The following UBE2T variants were observed in gnomAD, a reference collection of about 807,000 sequenced individuals.
UBE2T encodes the protein ubiquitin conjugating enzyme E2 T.
In UBE2T, 15 loss-of-function variants were observed where a neutral mutation model predicts 23.3. The observed-to-expected ratio is 0.64, with a 90% CI of 0.43 to 0.99. The LOEUF (loss-of-function observed/expected upper bound fraction) is 0.99. Ranked by LOEUF, UBE2T falls within the 50% of genes least tolerant of loss-of-function variation. The pLI is 0.00. For synonymous variants in UBE2T, 67 were observed against 78.4 expected (o/e 0.85, Z 0.77); for missense variants, 197 against 234.9 (o/e 0.84, Z 1.05).
intron 1 of UBE2T, among the ~76,000 whole-genome samples, chr1:202,341,453 C>G (rs6671928): frequency 0.025 from 3,658 of 148,764 alleles, 172 homozygotes; most frequent in African/African-American, 0.085. Flanking sequence ...TGGCGGGCGC[C>G]TGTAGTCCCA....
intron 1 of UBE2T, among the ~76,000 whole-genome samples, chr1:202,341,385 C>T (rs1198493868): frequency 1.3e-5 from 2 of 150,450 alleles, no homozygotes; most frequent in African/African-American, 2.5e-5. Context: ...GAGACCATCC[C>T]GGCTAAAACG....
chr1:202,331,805 C>T lies in UBE2T; in HGVS notation c.*30G>A, dbSNP rs981389027. ...ACTTAGATCACCTTGGCAAAGAACA[C>T]ATTAACTAAGATGAACCAGGACAAG... On this transcript the variant is annotated 3_prime_UTR_variant, in exon 7 of 7. Coordinates refer to ENST00000646651, the MANE Select transcript of UBE2T (RefSeq NM_014176.4). 8.7e-6 allele frequency: 14 copies of T among 1,613,006 alleles called. No individual in the cohort carries two copies. The highest frequency in any genetic ancestry group is 3.3e-4 in the Middle Eastern group (2 of 6,080).
In UBE2T at chr1:202,335,141, T is replaced by G; in HGVS notation, c.110-83A>C. On this transcript the variant is annotated intron_variant, in intron 2 of 6. Transcript: ENST00000646651. This position sits in a 1 kb window ranked among gnomAD's most constrained non-coding sequence, Gnocchi z 4.0. ...CATATGGAGCTAATGAGGTCTATGG[T>G]CCTAATAGAGAAACTAGGCCTAGGA... 1 of 1,156,252 alleles carries G rather than the reference T, an allele frequency of 8.6e-7. No homozygotes were observed. The highest frequency in any genetic ancestry group is 1.4e-5 in the South Asian group (1 of 69,906). 71.6% of individuals were successfully genotyped at this position (1,156,252 alleles called of 1,614,324 possible). A position where few individuals can be genotyped will look rare whatever the true frequency, so the allele number is the denominator to read the frequency against.
chr1:202,336,991 T>C (rs1654899653), intron 1 of UBE2T, among the ~76,000 whole-genome samples: 1 of 152,184 alleles, frequency 6.6e-6, no homozygotes, highest in South Asian at 2.1e-4. Flanking sequence ...TTGCCCAGGC[T>C]GGAGTGCAGT....
In UBE2T at chr1:202,332,410, CTA is replaced by C. The variant is rs1180242663; in HGVS notation, c.469-452_469-451del. Among the ~76,000 whole-genome samples, 3 of 152,332 alleles carry C rather than the reference CTA, an allele frequency of 2.0e-5. No homozygotes were observed. The East Asian group carries it at 5.8e-4, about 29-fold the overall frequency. On this transcript the variant is annotated intron_variant, in intron 6 of 6. Transcript: ENST00000646651. ...AAAAAGAATCTGAGACACCACTCCA[CTA>C]TCCCTGCTACCTGCAATATAAAAAA...
In UBE2T at chr1:202,331,821, C is replaced by T. The variant is rs1219342377; in HGVS notation, c.*14G>A. ...CAAAGAACACATTAACTAAGATGAACCAGGACAAGTCCCCTAAACATCAGG... is the reference window on the plus strand; with the variant it reads ...CAAAGAACACATTAACTAAGATGAATCAGGACAAGTCCCCTAAACATCAGG... On this transcript the variant is annotated 3_prime_UTR_variant, in exon 7 of 7. Transcript: ENST00000646651. 1 of 1,613,892 alleles carries T rather than the reference C, an allele frequency of 6.2e-7. No individual in the cohort carries two copies. Among genetic ancestry groups the T allele is most frequent in the South Asian group, 1.1e-5 (1 of 91,074 alleles).
At chr1:202,338,951 TA>T (rs1199886924) in intron 1 of UBE2T, among the ~76,000 whole-genome samples, 2 of 152,156 alleles carry the variant, frequency 1.3e-5, no homozygotes, top group African/African-American at 4.8e-5. Flanking sequence ...TTTCTAACCT[TA>T]AAGGGAAAGC....
In UBE2T at chr1:202,333,331, G is replaced by A. The variant is rs1358052696; in HGVS notation, c.290C>T (p.Ala97Val). ...TGCGATGTTGAGGGATGGTCTCCAA[G>A]CACCCTATATACAAACAGATGAACA... Reference protein sequence around the residue: ...LDVLKLPPKGAWRPSLNIATV... With the variant: ...LDVLKLPPKGVWRPSLNIATV... Residue 97 changes from alanine (A) to valine (V), a missense_variant, in exon 5 of 7, where the codon GCT (alanine) becomes GTT (valine). Transcript: ENST00000646651. The A allele has an allele frequency of 8.7e-6, 14 of 1,614,166 alleles. No homozygotes were observed. The highest frequency in any genetic ancestry group is 1.1e-5 in the Non-Finnish European group (13 of 1,180,028).
At chr1:202,337,411 A>C (rs1030768688) in intron 1 of UBE2T, among the ~76,000 whole-genome samples, 2 of 152,226 alleles carry the variant, frequency 1.3e-5, no homozygotes, top group African/African-American at 2.4e-5. Flanking sequence ...AAATGTAGAG[A>C]TATTCCTACA....
At chr1:202,339,077 CTTT>C (rs35528865) in intron 1 of UBE2T, among the ~76,000 whole-genome samples, 23 of 107,844 alleles carry the variant, frequency 2.1e-4, no homozygotes, top group African/African-American at 6.0e-4. Context: ...GTATTGCCTC[CTTT>C]TTTTTTTTTT....
At chr1:202,332,900 T>A (rs1654785537) in intron 6 of UBE2T, 110 bp downstream of exon 6, 1 of 450,946 alleles carries the variant, frequency 2.2e-6, no homozygotes, top group African/African-American at 5.1e-5. Context: ...AGAGCGAGAC[T>A]CCGTCTCAAA....
At position 202,332,966 on chromosome 1, in the gene UBE2T, A is replaced by T. The variant is rs748469093; in HGVS notation, c.468+44T>A. The stretch of plus-strand genomic sequence containing the variant: ...CATTATTTATACATATATACTTTAT[A>T]CTATATATACTTAATTAACTGACAA... On this transcript the variant is annotated intron_variant, in intron 6 of 6. Transcript: ENST00000646651. 3.6e-6 allele frequency: 4 copies of T among 1,097,276 alleles called. No homozygotes were observed. In the East Asian group the frequency reaches 9.8e-5, roughly 27 times the overall value. 68.0% of individuals were successfully genotyped at this position (1,097,276 alleles called of 1,614,324 possible).
chr1:202,336,123 G>C (rs1654876795), intron 1 of UBE2T, among the ~76,000 whole-genome samples: 1 of 151,784 alleles, frequency 6.6e-6, no homozygotes, highest in Non-Finnish European at 1.5e-5. Context: ...TGTTGGCCAG[G>C]CTGGTCTCAA....
At chr1:202,341,536 C>T (rs1347739447) in intron 1 of UBE2T, among the ~76,000 whole-genome samples, 2 of 134,718 alleles carry the variant, frequency 1.5e-5, no homozygotes, top group Admixed American at 8.6e-5. Context: ...CGAGATCCCG[C>T]CACTGCACTC....
intron 1 of UBE2T, among the ~76,000 whole-genome samples, chr1:202,341,408 C>T (rs1342758178): frequency 6.7e-6 from 1 of 149,590 alleles, no homozygotes; most frequent in Non-Finnish European, 1.5e-5. Flanking sequence ...GAAACCCCGT[C>T]TCTACTGAAA....
intron 1 of UBE2T, among the ~76,000 whole-genome samples, chr1:202,340,309 T>C (rs1251546952): frequency 2.6e-5 from 4 of 151,196 alleles, no homozygotes; most frequent in Non-Finnish European, 4.4e-5. Context: ...AGGTCAGGAG[T>C]TTGAGACCAG....
chr1:202,332,907 C>CAAAAAAAAAAAAAAAAAAAAAAAAAAAA (rs56137992), intron 6 of UBE2T, 103 bp downstream of exon 6: 2 of 157,068 alleles, frequency 1.3e-5, no homozygotes. Flanking sequence ...GACTCCGTCT[C>CAAAAAAAAAAAAAAAAAAAAAAAAAAAA]AAAAAAAAAA....
intron 1 of UBE2T, among the ~76,000 whole-genome samples, chr1:202,336,105 T>C (rs1654876583): frequency 6.6e-6 from 1 of 151,798 alleles, no homozygotes. Context: ...AGAGACAGGG[T>C]TTCGCCATGT....
In UBE2T at chr1:202,335,604, A is replaced by G. The variant is rs768144416; in HGVS notation, c.109+42T>C. ...ATGTTTTATTTCAGCACAATCTTCA[A>G]TAGGGTCATGACTTTCATCATATAC... is the stretch of plus-strand genomic sequence containing the variant. On this transcript the variant is annotated intron_variant, in intron 2 of 6. Coordinates refer to ENST00000646651, the MANE Select transcript of UBE2T (RefSeq NM_014176.4). The surrounding 1 kb of genome is among the most constrained non-coding windows in gnomAD (Gnocchi z 4.0). 4.4e-6 allele frequency: 7 copies of G among 1,579,310 alleles called. No homozygotes were observed. Among genetic ancestry groups the G allele is most frequent in the African/African-American group, 1.3e-5 (1 of 74,178 alleles).
Sources: allele counts gnomAD v4.1 joint callset (sites outside exome capture counted in the v4.1 genomes callset), GRCh38; gene constraint gnomAD v4.1.1; non-coding constraint Gnocchi (gnomAD v3.1); transcripts MANE v1.5; gene names NCBI Gene and HGNC (gene_info 2026-07-23, HGNC 2026-07-21).